The following DNAH8 variants were observed in gnomAD, a reference collection of about 807,000 sequenced individuals.
DNAH8 encodes axonemal beta dynein heavy chain 8.
DNAH8 carries 382 observed loss-of-function variants against 562.1 expected under a neutral mutation model. That is an observed-to-expected ratio of 0.68 (90% CI 0.63 to 0.74). The LOEUF is 0.74. DNAH8 is among the 30% of genes least tolerant of loss of function. DNAH8 has a pLI of 0.00. For synonymous variants in DNAH8, 1,881 were observed against 1,919.4 expected, an observed-to-expected ratio of 0.98 and a Z score of 0.52; for missense variants, 5,203 against 5,620.4, an observed-to-expected ratio of 0.93 and a Z score of 2.37.
At chr6:38,717,428 A>G (rs1192187123) in intron 1 of DNAH8, among the ~76,000 whole-genome samples, 4 of 151,974 alleles carry the variant, frequency 2.6e-5, no homozygotes, top group Non-Finnish European at 4.4e-5. Context: ...GGCTCAAGCT[A>G]TCTTCCCTCC....
At chr6:38,931,018 C>G (rs1782514895) in intron 75 of DNAH8, among the ~76,000 whole-genome samples, 1 of 152,008 alleles carries the variant, frequency 6.6e-6, no homozygotes, top group Non-Finnish European at 1.5e-5. Flanking sequence ...CTGTGTCTGG[C>G]TTATCTTATA....
intron 3 of DNAH8, among the ~76,000 whole-genome samples, chr6:38,729,607 T>G (rs898878129): frequency 1.3e-5 from 2 of 152,208 alleles, no homozygotes; most frequent in Non-Finnish European, 2.9e-5. Context: ...ATACTTCTTT[T>G]TTAAAAATAT....
chr6:38,951,466 A>G lies in DNAH8; in HGVS notation c.12397A>G (p.Met4133Val). The G allele has an allele frequency of 1.9e-6, 3 of 1,614,174 alleles. No individual in the cohort carries two copies. Among genetic ancestry groups the G allele is most frequent in the East Asian group, 2.2e-5 (1 of 44,876 alleles). Reference protein sequence around the residue: ...TRTPLICFLSMGSDPTNQIDA... With the variant: ...TRTPLICFLSVGSDPTNQIDA... ...GACACCTCTGATATGCTTCCTGTCC[A>G]TGGGATCTGACCCCACCAATCAAAT... The change falls in exon 82 of 93, where the codon ATG becomes GTG. Residue 4133 changes from methionine to valine, a missense_variant. Around this residue, in one of 6 missense-constraint regions of DNAH8, gnomAD observed 1,399 missense variants for 1,518.4 expected, o/e 0.92. Coordinates refer to ENST00000327475, the MANE Select transcript of DNAH8 (RefSeq NM_001206927.2).
chr6:38,875,909 G>A, intron 53 of DNAH8, 81 bp downstream of exon 53: 1 of 855,812 alleles, frequency 1.2e-6, no homozygotes, highest in Non-Finnish European at 1.9e-6. Flanking sequence ...TCTTCTATGA[G>A]AGAATATTAA....
At chr6:38,824,363 A>G (rs902549636) in intron 28 of DNAH8, among the ~76,000 whole-genome samples, 2 of 152,192 alleles carry the variant, frequency 1.3e-5, no homozygotes. Context: ...TGGCACTCAG[A>G]GGCGGGTTTA....
At chr6:38,997,614 G>A (rs908678289) in intron 88 of DNAH8, among the ~76,000 whole-genome samples, 3 of 152,176 alleles carry the variant, frequency 2.0e-5, no homozygotes, top group Admixed American at 6.5e-5. Context: ...ATGCATGTGT[G>A]CAGAGATAAC....
At chr6:38,808,780 G>A (rs532704649) in intron 24 of DNAH8, among the ~76,000 whole-genome samples, 2 of 152,302 alleles carry the variant, frequency 1.3e-5, no homozygotes, top group African/African-American at 4.8e-5. Flanking sequence ...ATGAGTTCAT[G>A]TCCTTTGCAG....
At chr6:38,980,544 C>G (rs953972460) in intron 85 of DNAH8, among the ~76,000 whole-genome samples, 4 of 152,120 alleles carry the variant, frequency 2.6e-5, no homozygotes, top group Non-Finnish European at 5.9e-5. Flanking sequence ...GTCTAAGCCC[C>G]AGATAACAAT....
At chr6:38,848,493 GT>G (rs1474886486) in intron 36 of DNAH8, among the ~76,000 whole-genome samples, 154 bp from the exon 37 acceptor site, 2 of 152,118 alleles carry the variant, frequency 1.3e-5, no homozygotes, top group African/African-American at 4.8e-5. Flanking sequence ...AAAAGCAACA[GT>G]TTTTATTAGC....
chr6:38,984,201 T>A lies in DNAH8; in HGVS notation c.12952-5T>A, dbSNP rs1428626452. On this transcript the variant is annotated splice_polypyrimidine_tract_variant and splice_region_variant and intron_variant, in intron 86 of 92. Transcript: ENST00000327475. ...ATTAATAATCCTTTTTTACTTTTAA[T>A]AAAGGGTGTATCATGGAATACGGTT... 2.0e-6 allele frequency: 3 copies of A among 1,487,668 alleles called. No individual in the cohort carries two copies. The South Asian group carries it at 3.5e-5, about 17-fold the overall frequency. 92.2% of individuals were successfully genotyped at this position (1,487,668 alleles called of 1,614,324 possible).
At chr6:38,952,780 A>G (rs181163652) in intron 82 of DNAH8, among the ~76,000 whole-genome samples, 2 of 152,268 alleles carry the variant, frequency 1.3e-5, no homozygotes, top group East Asian at 3.9e-4. Context: ...TTCTGTCTGA[A>G]CACTGATACC....
chr6:38,918,341 G>A (rs1329794745), intron 70 of DNAH8, among the ~76,000 whole-genome samples: 2 of 152,144 alleles, frequency 1.3e-5, no homozygotes, highest in Non-Finnish European at 2.9e-5. Flanking sequence ...ATGCAGGCAA[G>A]TGACTGAAAC....
rs200115379 is a variant in DNAH8 at position 38,761,700 on chromosome 6, A to G, written c.1516-2A>G. ...ATTATTTTGTACCTATATTTATTTC[A>G]GGTAACAAATCAAATGGTAACAGCA... On this transcript the variant is annotated splice_acceptor_variant, in intron 10 of 92. Transcript: ENST00000327475. LOFTEE classifies it high-confidence loss of function. 1.0e-5 allele frequency: 15 copies of G among 1,457,744 alleles called. No individual in the cohort carries two copies. The highest frequency in any genetic ancestry group is 1.3e-5 in the Non-Finnish European group (14 of 1,081,456). The allele number at this position is 1,457,744 out of a possible 1,614,324, so 90.3% of individuals were successfully genotyped here. A position where few individuals can be genotyped will look rare whatever the true frequency, so the allele number is the denominator to read the frequency against.
intron 82 of DNAH8, among the ~76,000 whole-genome samples, chr6:38,957,573 A>AT (rs1762326656): frequency 6.7e-6 from 1 of 150,226 alleles, no homozygotes; most frequent in South Asian, 2.1e-4. Context: ...TAGATCATAT[A>AT]TGAAGCCACA....
At chr6:38,932,363 A>G (rs1782622643) in intron 76 of DNAH8, among the ~76,000 whole-genome samples, 1 of 152,174 alleles carries the variant, frequency 6.6e-6, no homozygotes, top group African/African-American at 2.4e-5. Context: ...TTTCCACTGT[A>G]GTAGTTTCAA....
intron 31 of DNAH8, 106 bp from the exon 32 acceptor site, chr6:38,834,473 A>G: frequency 1.4e-6 from 1 of 732,420 alleles, no homozygotes; most frequent in Non-Finnish European, 2.2e-6. Context: ...AATAATTTAA[A>G]TTAAAAAAAT....
intron 91 of DNAH8, among the ~76,000 whole-genome samples, chr6:39,021,926 A>G (rs1278119578): frequency 6.6e-6 from 1 of 152,228 alleles, no homozygotes; most frequent in Non-Finnish European, 1.5e-5. Context: ...ATGAAATGAT[A>G]TTTAAAGCAC....
At chr6:38,989,665 T>A (rs1033057812) in intron 87 of DNAH8, among the ~76,000 whole-genome samples, 2 of 152,134 alleles carry the variant, frequency 1.3e-5, no homozygotes, top group African/African-American at 4.8e-5. Flanking sequence ...CTCTTGTGTG[T>A]GGGAGTATGG....
At chr6:38,993,691 T>C (rs1223585091) in intron 88 of DNAH8, among the ~76,000 whole-genome samples, 2 of 152,144 alleles carry the variant, frequency 1.3e-5, no homozygotes, top group Non-Finnish European at 2.9e-5. Flanking sequence ...TTGTGTTGTG[T>C]CTTGCTTTTT....
Sources: gnomAD v4.1 joint callset for allele counts (sites outside exome capture counted in the v4.1 genomes callset) on GRCh38, gnomAD v4.1.1 for gene constraint, gnomAD v4.1.1 regional missense constraint, MANE v1.5 for transcripts, NCBI Gene and HGNC (gene_info 2026-07-23, HGNC 2026-07-21) for gene names.